BCAS3: variants seen among roughly 807,000 people sequenced by gnomAD.
BCAS3 encodes BCAS3 microtubule associated cell migration factor, also known as BCAS4/BCAS3 fusion.
In BCAS3, 53 loss-of-function variants were observed where a neutral mutation model predicts 116.1. The ratio of observed to expected loss-of-function variants is 0.46; its 90% CI spans 0.37 to 0.57. The LOEUF (loss-of-function observed/expected upper bound fraction) is 0.57, where lower values mean the gene tolerates loss of function less well. Ranked by LOEUF, BCAS3 falls within the 20% of genes least tolerant of loss-of-function variation. BCAS3 has a pLI of 0.00. For synonymous variants in BCAS3, 391 were observed against 408.2 expected, an observed-to-expected ratio of 0.96 and a Z score of 0.51; for missense variants, 917 against 1,165.4, an observed-to-expected ratio of 0.79 and a Z score of 3.10.
rs1323515506 is a variant in BCAS3, at chr17:61,347,113, C to T, written c.2426-21214C>T. 6.6e-6 allele frequency among the ~76,000 whole-genome samples: 1 copy of T among 152,248 alleles called. No homozygotes were observed. The highest frequency in any genetic ancestry group is 2.4e-5 in the African/African-American group (1 of 41,546). On this transcript the variant is annotated intron_variant, in intron 22 of 23. Transcript: ENST00000407086. This position sits in a 1 kb window ranked among gnomAD's most constrained non-coding sequence, Gnocchi z 4.3. ...TTTTTAAGGCAGAGTCTTGCTCTGT[C>T]ACCCAGGCTGGAGTGCAGTGGTGCA...
intron 22 of BCAS3, among the ~76,000 whole-genome samples, chr17:61,319,554 C>G (rs2055022407): frequency 6.8e-6 from 1 of 147,514 alleles, no homozygotes; most frequent in African/African-American, 2.5e-5. Context: ...GCTTGATATG[C>G]TATAGAGGCT....
At chr17:60,838,186 A>G (rs992040967) in intron 7 of BCAS3, among the ~76,000 whole-genome samples, 3 of 152,142 alleles carry the variant, frequency 2.0e-5, no homozygotes, top group Non-Finnish European at 2.9e-5. Context: ...TGGGAAGAAA[A>G]TCACAACATG....
In BCAS3 at chr17:60,947,334, G is replaced by A; in HGVS notation, c.1203G>A (p.Arg401=). Residue 401 remains arginine (R), a synonymous_variant, in exon 14 of 24, where the codon AGG becomes AGA. Coordinates refer to ENST00000407086, the MANE Select transcript of BCAS3 (RefSeq NM_017679.5). ...TCCACCATCTGTATACTCTTCACAGGGGAGAAACTGAAGCCAAAGTAAGCT... is the reference window on the plus strand; with the variant it reads ...TCCACCATCTGTATACTCTTCACAGAGGAGAAACTGAAGCCAAAGTAAGCT... The part of the protein sequence containing the change: ...CAVHHLYTLH[R]GETEAKVQDI... 2.5e-6 allele frequency: 4 copies of A among 1,612,980 alleles called. No homozygotes were observed. The highest frequency in any genetic ancestry group is 3.4e-6 in the Non-Finnish European group (4 of 1,179,492).
intron 22 of BCAS3, among the ~76,000 whole-genome samples, chr17:61,190,698 G>A (rs1601816029): frequency 6.6e-6 from 1 of 151,586 alleles, no homozygotes; most frequent in Non-Finnish European, 1.5e-5. Flanking sequence ...CCGACTCCCG[G>A]GTTCAAGCGA....
In BCAS3 at chr17:61,380,618, GCTT is replaced by G. The variant is rs2059561487; in HGVS notation, c.2594-11355_2594-11353del. 2.6e-6 allele frequency: 4 copies of G among 1,564,610 alleles called. No homozygotes were observed. Among genetic ancestry groups the G allele is most frequent in the Non-Finnish European group, 3.5e-6 (4 of 1,151,304 alleles). ...CCTATGTGGAAGGGGTTGTCCCGTT[GCTT>G]CTTTTGTCCCTCAAGAGGGTGCCCT... On this transcript the variant is annotated intron_variant, in intron 23 of 23. Transcript: ENST00000407086. The surrounding 1 kb of genome is among the most constrained non-coding windows in gnomAD (Gnocchi z 4.2).
At chr17:61,107,623 T>C (rs2074754143) in intron 22 of BCAS3, among the ~76,000 whole-genome samples, 2 of 152,228 alleles carry the variant, frequency 1.3e-5, no homozygotes, top group Admixed American at 6.5e-5. Flanking sequence ...CCCTTTGATA[T>C]TGCCTGTTTT....
intron 14 of BCAS3, among the ~76,000 whole-genome samples, chr17:60,973,272 CT>C (rs900304845): frequency 1.3e-5 from 2 of 151,956 alleles, no homozygotes; most frequent in Admixed American, 1.3e-4. Flanking sequence ...TGTTAATTTC[CT>C]TTATCAGGAA....
intron 19 of BCAS3, among the ~76,000 whole-genome samples, chr17:61,064,889 G>T (rs986059689): frequency 6.6e-6 from 1 of 152,102 alleles, no homozygotes; most frequent in East Asian, 1.9e-4. Context: ...TATTGTTGTT[G>T]CATTGGTATA....
chr17:60,809,435 A>C (rs549550955), intron 7 of BCAS3, among the ~76,000 whole-genome samples: 20 of 152,330 alleles, frequency 1.3e-4, no homozygotes, highest in African/African-American at 4.6e-4. Context: ...TAACAGTGGG[A>C]ATCTGTGGCA....
chr17:60,810,910 A>G, intron 7 of BCAS3: 1 of 697,376 alleles, frequency 1.4e-6, no homozygotes, highest in Non-Finnish European at 2.6e-6. Context: ...CACCAAGATC[A>G]TGGCAGACAT....
intron 5 of BCAS3, among the ~76,000 whole-genome samples, chr17:60,717,588 A>G (rs2038777728): frequency 6.6e-6 from 1 of 152,188 alleles, no homozygotes; most frequent in Admixed American, 6.6e-5. Context: ...GCAAAGAATA[A>G]GAGATTATGT....
intron 14 of BCAS3, among the ~76,000 whole-genome samples, chr17:60,975,043 G>A (rs1411979887): frequency 1.4e-5 from 2 of 147,228 alleles, no homozygotes; most frequent in South Asian, 2.1e-4. Context: ...CGCCCAGGCC[G>A]GACTGCGGAC....
chr17:60,962,060 C>G lies in BCAS3; in HGVS notation c.1221+14708C>G, dbSNP rs1433698917. ...CTGAATATTTCATTGCTATATATAC[C>G]ATATATGCTTTATTTATTCATCTGT... is the stretch of plus-strand genomic sequence containing the variant. On this transcript the variant is annotated intron_variant, in intron 14 of 23. Coordinates refer to ENST00000407086, the MANE Select transcript of BCAS3 (RefSeq NM_017679.5). The surrounding 1 kb of genome is among the most constrained non-coding windows in gnomAD (Gnocchi z 4.4). Among the ~76,000 whole-genome samples, 1 of 151,966 alleles carries G rather than the reference C, an allele frequency of 6.6e-6. No homozygotes were observed. Among genetic ancestry groups the G allele is most frequent in the Non-Finnish European group, 1.5e-5 (1 of 67,986 alleles).
chr17:60,771,726 A>T (rs373465524), intron 6 of BCAS3, among the ~76,000 whole-genome samples: 8 of 152,100 alleles, frequency 5.3e-5, no homozygotes, highest in African/African-American at 1.9e-4. Context: ...GACAGGCCCC[A>T]GTGTGTGATG....
rs9906176 is a variant in BCAS3 at position 61,141,170 on chromosome 17, C to T, written c.2425+56606C>T. On this transcript the variant is annotated intron_variant, in intron 22 of 23. Coordinates refer to ENST00000407086, the MANE Select transcript of BCAS3 (RefSeq NM_017679.5). This position sits in a 1 kb window ranked among gnomAD's most constrained non-coding sequence, Gnocchi z 4.3. ...AATGGTCATAAATGTTCAACATTTA[C>T]GAATTTATGTTGAAGTACATAAATT... Among the ~76,000 whole-genome samples, 146,027 of 152,288 alleles carry T rather than the reference C, an allele frequency of 0.96. 70,344 individuals carry two copies. Among genetic ancestry groups the T allele is most frequent in the East Asian group, 1 (5,188 of 5,188 alleles).
At chr17:60,754,489 G>A (rs1474309264) in intron 6 of BCAS3, among the ~76,000 whole-genome samples, 1 of 152,172 alleles carries the variant, frequency 6.6e-6, no homozygotes, top group South Asian at 2.1e-4. Context: ...CTCCTGCCTC[G>A]GCTTCCCAAA....
Position 61,343,997 on chromosome 17 carries a change from A to T in BCAS3, c.2426-24330A>T, listed in dbSNP as rs1475268197. ...TGTGGGCTTGGGTAGAGTTGGCCAG[A>T]TGAAATGTGGTTGGCAAGAAGGTCC... is the stretch of plus-strand genomic sequence containing the variant. On this transcript the variant is annotated intron_variant, in intron 22 of 23. Coordinates refer to ENST00000407086, the MANE Select transcript of BCAS3 (RefSeq NM_017679.5). The surrounding 1 kb of genome is among the most constrained non-coding windows in gnomAD (Gnocchi z 5.5). Among the ~76,000 whole-genome samples the T allele has an allele frequency of 6.6e-6, 1 of 152,134 alleles. No homozygotes were observed. The highest frequency in any genetic ancestry group is 1.5e-5 in the Non-Finnish European group (1 of 68,016).
At chr17:61,342,479 T>C (rs1351951052) in intron 22 of BCAS3, among the ~76,000 whole-genome samples, 1 of 152,148 alleles carries the variant, frequency 6.6e-6, no homozygotes, top group Non-Finnish European at 1.5e-5. Context: ...CATTCCCTTC[T>C]TGATCCTCAG....
chr17:60,931,646 T>C (rs1219395135), intron 13 of BCAS3, among the ~76,000 whole-genome samples: 1 of 152,170 alleles, frequency 6.6e-6, no homozygotes, highest in Non-Finnish European at 1.5e-5. Flanking sequence ...AAGTCTTCCC[T>C]GAGTCTACAT....
Sources: gnomAD v4.1 joint callset for allele counts (sites outside exome capture counted in the v4.1 genomes callset) on GRCh38, gnomAD v4.1.1 for gene constraint, Gnocchi (gnomAD v3.1) non-coding constraint, MANE v1.5 for transcripts, NCBI Gene and HGNC (gene_info 2026-07-23, HGNC 2026-07-21) for gene names.